Variants in CREB3L1 observed in about 807,000 individuals in gnomAD.
The protein encoded by CREB3L1 is cyclic AMP-responsive element-binding protein 3-like protein 1.
In CREB3L1, 33 loss-of-function variants were observed where a neutral mutation model predicts 54.5. That is an observed-to-expected ratio of 0.61 (90% CI 0.46 to 0.81). The LOEUF (loss-of-function observed/expected upper bound fraction) is 0.81, where lower values mean the gene tolerates loss of function less well. CREB3L1 is among the 30% of genes least tolerant of loss of function. The pLI is 0.00. For missense variants in CREB3L1, 656 were observed against 673.3 expected, an observed-to-expected ratio of 0.97 and a Z score of 0.29; for synonymous variants, 284 against 286.4, an observed-to-expected ratio of 0.99 and a Z score of 0.08.
intron 1 of CREB3L1, 43 bp from the exon 2 acceptor site, chr11:46,299,892 G>A (rs1253078492): frequency 3.3e-6 from 5 of 1,501,190 alleles, no homozygotes; most frequent in Admixed American, 1.7e-5. Flanking sequence ...CCCTTCCCAA[G>A]CAAAGCTGAA....
rs747678376 is a variant in CREB3L1 at position 46,317,415 on chromosome 11, G to A, written c.1186G>A (p.Glu396Lys). Residue 396 changes from glutamate to lysine, a missense_variant, in exon 10 of 12, where the codon GAG becomes AAG. Glu to Lys is a moderately conservative substitution (Grantham distance 56). Coordinates refer to ENST00000621158, the MANE Select transcript of CREB3L1 (RefSeq NM_052854.4). ...VLGSLVPCLP[E>K]FSSGSQTVKE... is the part of the protein sequence containing the mutation. ...GGGCTCCCTCGTGCCCTGCCTTCCC[G>A]AGTTCTCCTCCGGCTCCCAGACTGT... The A allele has an allele frequency of 3.0e-5, 48 of 1,613,682 alleles. 1 individual carries two copies. In the South Asian group the frequency reaches 4.5e-4, roughly 15 times the overall value.
At chr11:46,311,281 CG>C (rs1939481777) in intron 5 of CREB3L1, 92 bp downstream of exon 5, 2 of 1,387,516 alleles carry the variant, frequency 1.4e-6, no homozygotes, top group African/African-American at 3.0e-5. Context: ...TGGGGAGCCC[CG>C]AGACTGATCC....
rs1025248492 is a variant in CREB3L1, at chr11:46,295,802, A to C, written c.103-4133A>C. The stretch of plus-strand genomic sequence containing the variant: ...ACCCGGATCCTTCTCTAAAATTTAA[A>C]GGGCGGGCGGCTGAGGCCAGGCTCC... On this transcript the variant is annotated intron_variant, in intron 1 of 11. Transcript: ENST00000621158. The surrounding 1 kb of genome is among the most constrained non-coding windows in gnomAD (Gnocchi z 4.6). Among the ~76,000 whole-genome samples, 1 of 152,162 alleles carries C rather than the reference A, an allele frequency of 6.6e-6. No individual in the cohort carries two copies. Among genetic ancestry groups the C allele is most frequent in the Non-Finnish European group, 1.5e-5 (1 of 68,016 alleles).
In CREB3L1 at chr11:46,317,570, A is replaced by G. The variant is rs1000842972; in HGVS notation, c.1258+83A>G. ...AGTGTCCAGGCAGAAGCCAGACATA[A>G]GAGAGAAGCCAAGTGTGGGGTCAGC... On this transcript the variant is annotated intron_variant, in intron 10 of 11. Coordinates refer to ENST00000621158, the MANE Select transcript of CREB3L1 (RefSeq NM_052854.4). 6.4e-5 allele frequency: 98 copies of G among 1,540,818 alleles called. 1 individual carries two copies. In the South Asian group the frequency reaches 1.1e-3, roughly 17 times the overall value.
rs192179218 is a variant in CREB3L1, at chr11:46,311,152, C to T, written c.716C>T (p.Thr239Met). Residue 239 changes from threonine to methionine, a missense_variant, in exon 5 of 12, where the codon ACG (threonine) becomes ATG (methionine). Physicochemically the swap from Thr to Met is moderately conservative, Grantham distance 81 (BLOSUM62 -1). Transcript: ENST00000621158. ...GTCAGGCCCATGGCGCGCTCCTCCA[C>T]GGCCATCTCCACCTCCCCACTCCTC... ...SPVRPMARSS[T>M]AISTSPLLTA... 3.7e-3 allele frequency: 5,860 copies of T among 1,601,406 alleles called. 248 individuals carry two copies. In the Admixed American group the frequency reaches 0.084, roughly 23 times the overall value.
Position 46,300,072 on chromosome 11 carries a change from A to T in CREB3L1, c.240A>T (p.Pro80=). ...LLDMELDSPT[P]GIQAEHSYSL... Reference sequence around the variant, plus strand: ...ACATGGAACTGGACTCCCCTACGCCAGGCATCCAGGCGGAGCACAGCTACT... The same window carrying T: ...ACATGGAACTGGACTCCCCTACGCCTGGCATCCAGGCGGAGCACAGCTACT... The change falls in exon 2 of 12, where the codon CCA becomes CCT. Residue 80 remains proline, a synonymous_variant. Coordinates refer to ENST00000621158, the MANE Select transcript of CREB3L1 (RefSeq NM_052854.4). The T allele has an allele frequency of 6.2e-7, 1 of 1,613,894 alleles. No homozygotes were observed. Among genetic ancestry groups the T allele is most frequent in the Non-Finnish European group, 8.5e-7 (1 of 1,179,844 alleles).
chr11:46,300,885 G>A (rs1459135981), intron 2 of CREB3L1, among the ~76,000 whole-genome samples: 1 of 151,852 alleles, frequency 6.6e-6, no homozygotes, highest in Non-Finnish European at 1.5e-5. Flanking sequence ...GGCGCCTGTA[G>A]TCCCAGCTAC....
At chr11:46,282,184 A>G (rs1309276911) in intron 1 of CREB3L1, among the ~76,000 whole-genome samples, 2 of 152,198 alleles carry the variant, frequency 1.3e-5, no homozygotes, top group African/African-American at 4.8e-5. Flanking sequence ...GGCCCAAACC[A>G]GACCCCACAT....
chr11:46,318,974 G>C (rs183020644), intron 10 of CREB3L1, among the ~76,000 whole-genome samples: 4 of 152,200 alleles, frequency 2.6e-5, no homozygotes, highest in Non-Finnish European at 5.9e-5. Flanking sequence ...GAACGGGGTG[G>C]TCACTAAAGG....
At chr11:46,289,596 C>T (rs1379255918) in intron 1 of CREB3L1, among the ~76,000 whole-genome samples, 1 of 152,002 alleles carries the variant, frequency 6.6e-6, no homozygotes, top group Non-Finnish European at 1.5e-5. Flanking sequence ...TTGAGTTGGC[C>T]CCTTAAAGGA....
chr11:46,280,767 C>G (rs1339608660), intron 1 of CREB3L1, among the ~76,000 whole-genome samples: 1 of 152,110 alleles, frequency 6.6e-6, no homozygotes, highest in South Asian at 2.1e-4. Flanking sequence ...CAGCTGAGAT[C>G]CCATTCCAAC....
chr11:46,307,825 A>T lies in CREB3L1; in HGVS notation c.341A>T (p.His114Leu). 1 of 1,572,216 alleles carries T rather than the reference A, an allele frequency of 6.4e-7. No individual in the cohort carries two copies. The highest frequency in any genetic ancestry group is 2.4e-5 in the East Asian group (1 of 42,474). Reference protein sequence around the residue: ...KMEDTTQDAEHGAWALGHKLC... With the variant: ...KMEDTTQDAELGAWALGHKLC... ...TTTCCCCTTCCCCTAGATGCAGAGCATGGAGCATGGGCGCTGGGACACAAA... is the reference window on the plus strand; with the variant it reads ...TTTCCCCTTCCCCTAGATGCAGAGCTTGGAGCATGGGCGCTGGGACACAAA... The change falls in exon 3 of 12, where the codon CAT (histidine) becomes CTT (leucine). Residue 114 changes from histidine (H) to leucine (L), a missense_variant. Transcript: ENST00000621158.
chr11:46,293,237 C>G (rs1313413532), intron 1 of CREB3L1, among the ~76,000 whole-genome samples: 1 of 152,232 alleles, frequency 6.6e-6, no homozygotes, highest in Admixed American at 6.5e-5. Context: ...GCCTATAGAC[C>G]AGCATCTCCA....
chr11:46,305,690 A>ATGTGTGTGTGTATATATG lies in CREB3L1; in HGVS notation c.332-2115_332-2114insATATATGTGTGTGTGTGT, dbSNP rs1555222406. ...TATATATATGTGTGTGTGTGTATAT[A>ATGTGTGTGTGTATATATG]TGTGTGTGTGTGTGTGTGTGTGTGT... On this transcript the variant is annotated intron_variant, in intron 2 of 11. Coordinates refer to ENST00000621158, the MANE Select transcript of CREB3L1 (RefSeq NM_052854.4). Among the ~76,000 whole-genome samples the ATGTGTGTGTGTATATATG allele has an allele frequency of 2.2e-3, 248 of 111,596 alleles. 1 individual carries two copies. Among genetic ancestry groups the ATGTGTGTGTGTATATATG allele is most frequent in the African/African-American group, 7.7e-3 (231 of 29,878 alleles). 73.2% of individuals were successfully genotyped at this position (111,596 alleles called of 152,430 possible). A position where few individuals can be genotyped will look rare whatever the true frequency, so the allele number is the denominator to read the frequency against.
At chr11:46,293,259 G>A (rs750489838) in intron 1 of CREB3L1, among the ~76,000 whole-genome samples, 5 of 152,230 alleles carry the variant, frequency 3.3e-5, no homozygotes, top group Non-Finnish European at 4.4e-5. Context: ...CAGCCAGACC[G>A]TGGGCTGCTG....
At chr11:46,292,298 G>A (rs1205951724) in intron 1 of CREB3L1, among the ~76,000 whole-genome samples, 2 of 152,176 alleles carry the variant, frequency 1.3e-5, no homozygotes, top group East Asian at 1.9e-4. Flanking sequence ...GATTCGGGAC[G>A]GTCATTCCTG....
rs148031278 is a variant in CREB3L1, at chr11:46,293,911, A to G, written c.103-6024A>G. On this transcript the variant is annotated intron_variant, in intron 1 of 11. Coordinates refer to ENST00000621158, the MANE Select transcript of CREB3L1 (RefSeq NM_052854.4). ...ATCACTGTTTGTCTGATCACATCTGATGAGTGTGTCTTGTTGAGTTTGTGT... is the reference window on the plus strand; with the variant it reads ...ATCACTGTTTGTCTGATCACATCTGGTGAGTGTGTCTTGTTGAGTTTGTGT... 3.7e-3 allele frequency among the ~76,000 whole-genome samples: 562 copies of G among 152,224 alleles called. 4 individuals carry two copies. The highest frequency in any genetic ancestry group is 0.019 in the South Asian group (92 of 4,818).
rs778465642 is a variant in CREB3L1, at chr11:46,311,090, C to A, written c.654C>A (p.Gly218=). 8.1e-6 allele frequency: 13 copies of A among 1,609,724 alleles called. No individual in the cohort carries two copies. Among genetic ancestry groups the A allele is most frequent in the Non-Finnish European group, 1.1e-5 (13 of 1,179,092 alleles). Residue 218 remains glycine, a synonymous_variant, in exon 5 of 12, where the codon GGC becomes GGA. Transcript: ENST00000621158. ...PPSSHGSDSD[G]SQSPRSLPPS... ...GCAGCCATGGCAGTGACAGCGACGG[C>A]TCCCAGAGTCCCCGCTCTCTGCCCC...
intron 1 of CREB3L1, among the ~76,000 whole-genome samples, chr11:46,299,576 C>T (rs371891753): frequency 5.7e-4 from 87 of 152,338 alleles, no homozygotes; most frequent in African/African-American, 1.9e-3. Context: ...AACTGACTCA[C>T]GCAGTTTAAG....
Sources: gnomAD v4.1 joint callset for allele counts (sites outside exome capture counted in the v4.1 genomes callset) on GRCh38, gnomAD v4.1.1 for gene constraint, Gnocchi (gnomAD v3.1) non-coding constraint, MANE v1.5 for transcripts, NCBI Gene and HGNC (gene_info 2026-07-23, HGNC 2026-07-21) for gene names.